GPC6: variants seen among roughly 807,000 people sequenced by gnomAD.
GPC6 encodes the protein glypican 6.
In GPC6, 14 loss-of-function variants were observed where a neutral mutation model predicts 55.2. The observed-to-expected ratio is 0.25, with a 90% confidence interval of 0.17 to 0.40. GPC6 has a LOEUF of 0.40. Ranked by LOEUF, GPC6 falls within the 10% of genes least tolerant of loss-of-function variation. GPC6 has a pLI of 1.00. For synonymous variants in GPC6, 278 were observed against 259.6 expected, an observed-to-expected ratio of 1.07 and a Z score of -0.68; for missense variants, 641 against 708.5, an observed-to-expected ratio of 0.90 and a Z score of 1.08.
chr13:93,728,429 C>T lies in GPC6; in HGVS notation c.320-101725C>T, dbSNP rs533837516. Among the ~76,000 whole-genome samples the T allele has an allele frequency of 2.8e-4, 42 of 151,272 alleles. No individual in the cohort carries two copies. The South Asian group carries it at 8.3e-3, about 30-fold the overall frequency. ...TATATATTTTTATTTTTTGTAGAGA[C>T]AGGGTCTCACTATGTTGCCCAGGCT... is the stretch of plus-strand genomic sequence containing the variant. On this transcript the variant is annotated intron_variant, in intron 2 of 8. Coordinates refer to ENST00000377047, the MANE Select transcript of GPC6 (RefSeq NM_005708.5).
rs187200899 is a variant in GPC6, at chr13:94,361,051, T to C, written c.1153-21363T>C. Among the ~76,000 whole-genome samples, 669 of 152,334 alleles carry C rather than the reference T, an allele frequency of 4.4e-3. 5 individuals are homozygous for C. The highest frequency in any genetic ancestry group is 7.2e-3 in the South Asian group (35 of 4,830). On this transcript the variant is annotated intron_variant, in intron 6 of 8. Transcript: ENST00000377047. ...ATCTCACTAAACAAAAAGGTCACCA[T>C]AGAAATGCAATTCTCAGTTATTGCA...
intron 1 of GPC6, among the ~76,000 whole-genome samples, chr13:93,525,723 A>G (rs961975588): frequency 3.3e-5 from 5 of 152,170 alleles, no homozygotes; most frequent in African/African-American, 9.6e-5. Flanking sequence ...TTTTCAAACT[A>G]GAGCACAAGG....
At position 94,266,381 on chromosome 13, in the gene GPC6, G is replaced by A. The variant is rs935516871; in HGVS notation, c.878-19968G>A. On this transcript the variant is annotated intron_variant, in intron 4 of 8. Coordinates refer to ENST00000377047, the MANE Select transcript of GPC6 (RefSeq NM_005708.5). ...GACGGGGTTTCACTGTGTTAGCCAGGATGGTCTCGATCTCCTGACCTCGTG... is the reference window on the plus strand; with the variant it reads ...GACGGGGTTTCACTGTGTTAGCCAGAATGGTCTCGATCTCCTGACCTCGTG... Among the ~76,000 whole-genome samples, 6 of 152,044 alleles carry A rather than the reference G, an allele frequency of 3.9e-5. No individual in the cohort carries two copies. The South Asian group carries it at 8.3e-4, about 21-fold the overall frequency.
At chr13:93,241,395 G>C (rs1483805542) in intron 1 of GPC6, among the ~76,000 whole-genome samples, 1 of 152,130 alleles carries the variant, frequency 6.6e-6, no homozygotes, top group African/African-American at 2.4e-5. Flanking sequence ...TTATATCCAA[G>C]CTCTGAAATT....
intron 1 of GPC6, among the ~76,000 whole-genome samples, chr13:93,359,444 T>C (rs1238275460): frequency 1.3e-5 from 2 of 152,122 alleles, no homozygotes; most frequent in South Asian, 2.1e-4. Context: ...TGTGTATCCA[T>C]GAGATTACAA....
At chr13:93,360,842 T>C (rs1165519025) in intron 1 of GPC6, among the ~76,000 whole-genome samples, 3 of 151,968 alleles carry the variant, frequency 2.0e-5, no homozygotes, top group African/African-American at 4.8e-5. Flanking sequence ...CTTCTGAAAA[T>C]CTATGTTTGC....
chr13:93,455,130 A>G (rs2139307201), intron 1 of GPC6, among the ~76,000 whole-genome samples: 1 of 152,266 alleles, frequency 6.6e-6, no homozygotes, highest in East Asian at 2.0e-4. Context: ...CTGGCCCGCA[A>G]GCGGCGCACG....
At chr13:93,827,186 C>T (rs973666379) in intron 2 of GPC6, among the ~76,000 whole-genome samples, 1 of 152,164 alleles carries the variant, frequency 6.6e-6, no homozygotes, top group Non-Finnish European at 1.5e-5. Context: ...TGTCCTCTTC[C>T]ATTAAAAAGA....
chr13:93,975,619 A>G lies in GPC6; in HGVS notation c.712-52110A>G, dbSNP rs183888458. Among the ~76,000 whole-genome samples, 355 of 152,286 alleles carry G rather than the reference A, an allele frequency of 2.3e-3. 2 individuals carry two copies. In the Middle Eastern group the frequency reaches 0.027, roughly 12 times the overall value. ...TTATTGAAAAATGCAGCAACTTCAC[A>G]ATCTTAGTTCTGTTGACCCAATGCG... On this transcript the variant is annotated intron_variant, in intron 3 of 8. Coordinates refer to ENST00000377047, the MANE Select transcript of GPC6 (RefSeq NM_005708.5).
chr13:93,959,256 G>A lies in GPC6; in HGVS notation c.712-68473G>A, dbSNP rs111936696. The stretch of plus-strand genomic sequence containing the variant: ...CGGCTCACTGCAACCTCCGCCTCCC[G>A]AGTTCAAGCGATTCTCCTGCCTCAG... On this transcript the variant is annotated intron_variant, in intron 3 of 8. Transcript: ENST00000377047. Among the ~76,000 whole-genome samples, 666 of 150,300 alleles carry A rather than the reference G, an allele frequency of 4.4e-3. 1 individual carries two copies. The highest frequency in any genetic ancestry group is 7.3e-3 in the Non-Finnish European group (492 of 67,712).
At chr13:93,755,340 GC>G (rs1884732437) in intron 2 of GPC6, among the ~76,000 whole-genome samples, 2 of 152,102 alleles carry the variant, frequency 1.3e-5, no homozygotes, top group South Asian at 4.1e-4. Flanking sequence ...GGCCATGGTG[GC>G]CCCCACTGCA....
At chr13:93,340,110 A>G (rs1880199621) in intron 1 of GPC6, among the ~76,000 whole-genome samples, 1 of 128,798 alleles carries the variant, frequency 7.8e-6, no homozygotes, top group African/African-American at 3.0e-5. Flanking sequence ...ATCTCGGCTC[A>G]CTGCAAGCTC....
intron 2 of GPC6, among the ~76,000 whole-genome samples, chr13:93,712,296 G>A (rs559678563): frequency 2.0e-5 from 3 of 151,718 alleles, no homozygotes; most frequent in African/African-American, 7.3e-5. Context: ...GAGAAGATAT[G>A]TCCTTTCAGA....
At chr13:93,274,820 T>C (rs566889971) in intron 1 of GPC6, among the ~76,000 whole-genome samples, 1 of 152,332 alleles carries the variant, frequency 6.6e-6, no homozygotes, top group Admixed American at 6.5e-5. Flanking sequence ...TGGACATGTA[T>C]ATTAGTAATA....
intron 4 of GPC6, among the ~76,000 whole-genome samples, chr13:94,216,359 T>C (rs180876206): frequency 6.6e-6 from 1 of 152,204 alleles, no homozygotes; most frequent in Admixed American, 6.6e-5. Flanking sequence ...GGGATTTTGT[T>C]GGTTGGTTTG....
chr13:93,610,695 T>C (rs969185426), intron 2 of GPC6, among the ~76,000 whole-genome samples: 16 of 152,182 alleles, frequency 1.1e-4, no homozygotes, highest in African/African-American at 3.9e-4. Context: ...TTTATATACA[T>C]ATGTACCTAC....
Position 93,703,536 on chromosome 13 carries a change from A to G in GPC6, c.320-126618A>G, listed in dbSNP as rs549552203. Among the ~76,000 whole-genome samples, 33 of 152,118 alleles carry G rather than the reference A, an allele frequency of 2.2e-4. No homozygotes were observed. The South Asian group carries it at 6.8e-3, about 32-fold the overall frequency. On this transcript the variant is annotated intron_variant, in intron 2 of 8. Transcript: ENST00000377047. The stretch of plus-strand genomic sequence containing the variant: ...AAAAATTCAATATCTGCATAGTGCA[A>G]TAAAGCAAAGCACAATAAAACAAGG...
At chr13:93,721,032 T>C (rs1225052166) in intron 2 of GPC6, among the ~76,000 whole-genome samples, 3 of 152,038 alleles carry the variant, frequency 2.0e-5, no homozygotes, top group Non-Finnish European at 2.9e-5. Flanking sequence ...GAAAAATGTA[T>C]ATTCTGTTGA....
intron 4 of GPC6, among the ~76,000 whole-genome samples, chr13:94,050,482 C>T (rs1290619516): frequency 6.6e-6 from 1 of 152,096 alleles, no homozygotes. Context: ...AATGTCCTTC[C>T]AATTGACATC....
Sources: allele counts gnomAD v4.1 joint callset (sites outside exome capture counted in the v4.1 genomes callset), GRCh38; gene constraint gnomAD v4.1.1; transcripts MANE v1.5; gene names NCBI Gene and HGNC (gene_info 2026-07-23, HGNC 2026-07-21).